TPPP2: variants seen among roughly 807,000 people sequenced by gnomAD.
TPPP2 encodes the protein tubulin polymerization-promoting protein family member 2.
A neutral mutation model predicts 13.0 loss-of-function variants in TPPP2; 8 were observed. The observed-to-expected ratio is 0.62, with a 90% confidence interval of 0.36 to 1.11. The LOEUF (loss-of-function observed/expected upper bound fraction) is 1.11. TPPP2 is among the 50% of genes most tolerant of loss of function. The pLI is 0.02. For synonymous variants in TPPP2, 81 were observed against 81.8 expected, an observed-to-expected ratio of 0.99 and a Z score of 0.05; for missense variants, 213 against 216.9, an observed-to-expected ratio of 0.98 and a Z score of 0.11.
upstream of TPPP2, among the ~76,000 whole-genome samples, chr14:21,029,572 G>A (rs1359961576): frequency 6.6e-6 from 1 of 152,142 alleles, no homozygotes; most frequent in Non-Finnish European, 1.5e-5. Flanking sequence ...ATTTCAGCCT[G>A]GGCAACAGAC....
intron 3 of TPPP2, 90 bp downstream of exon 3, chr14:21,031,255 G>A: frequency 6.7e-7 from 1 of 1,497,146 alleles, no homozygotes; most frequent in Non-Finnish European, 9.0e-7. Context: ...CTGTGTGACT[G>A]TAGAGACAGG....
chr14:21,035,711 C>A (rs998716598), downstream of TPPP2: 1 of 452,456 alleles, frequency 2.2e-6, no homozygotes, highest in East Asian at 7.0e-5. Flanking sequence ...CCTAAACTGG[C>A]ACTTTCTGAC....
rs1406251708 is a variant in TPPP2 at position 21,032,792 on chromosome 14, A to T, written c.*715A>T. On this transcript the variant is annotated 3_prime_UTR_variant, in exon 4 of 4. Coordinates refer to ENST00000321760, the MANE Select transcript of TPPP2 (RefSeq NM_173846.5). ...AGGAGTTCTGGTGCACTGAAGAAAA[A>T]GCAATTAAATCACAACAGAGTCAGA... 2 of 372,272 alleles carry T rather than the reference A, an allele frequency of 5.4e-6. No homozygotes were observed. Among genetic ancestry groups the T allele is most frequent in the Non-Finnish European group, 1.0e-5 (2 of 191,124 alleles). 23.1% of individuals were successfully genotyped at this position (372,272 alleles called of 1,614,324 possible). A position where few individuals can be genotyped will look rare whatever the true frequency, so the allele number is the denominator to read the frequency against.
At chr14:21,033,930 G>A (rs754878730), downstream of TPPP2, 8 of 1,613,924 alleles carry the variant, frequency 5.0e-6, no homozygotes, top group South Asian at 8.8e-5. Context: ...GCAGCTAGTG[G>A]GTGGCTGTTG....
rs760528187 is a variant in TPPP2, at chr14:21,030,651, G to C, written c.70G>C (p.Glu24Gln). The C allele has an allele frequency of 6.2e-7, 1 of 1,614,078 alleles. No homozygotes were observed. The highest frequency in any genetic ancestry group is 2.2e-5 in the East Asian group (1 of 44,880). Residue 24 changes from glutamate to glutamine, a missense_variant, in exon 2 of 4, where the codon GAA becomes CAA. By Grantham distance (29) the Glu-to-Gln change is conservative. Transcript: ENST00000321760. ...AFGESSSSGT[E>Q]MNNKNFSKLC... Reference sequence around the variant, plus strand: ...TGGAGAATCATCAAGCAGTGGCACTGAAATGAACAACAAGAACTTCTCCAA... The same window carrying C: ...TGGAGAATCATCAAGCAGTGGCACTCAAATGAACAACAAGAACTTCTCCAA...
At chr14:21,036,084 C>T (rs559032126), downstream of TPPP2, 17 of 409,924 alleles carry the variant, frequency 4.1e-5, no homozygotes, top group South Asian at 1.1e-4. Flanking sequence ...GACCAGTGCC[C>T]GGCACATGGT....
chr14:21,031,850 G>A (rs373591996), intron 3 of TPPP2, 42 bp from the exon 4 acceptor site: 36 of 1,594,042 alleles, frequency 2.3e-5, no homozygotes, highest in Middle Eastern at 3.3e-4. Context: ...ATATGACAGC[G>A]TAAGGAAAGG....
At chr14:21,036,348 T>G (rs1410959361), downstream of TPPP2, 1 of 434,438 alleles carries the variant, frequency 2.3e-6, no homozygotes, top group Non-Finnish European at 4.6e-6. Flanking sequence ...GGGTGCCCAG[T>G]CTTTTGGCTT....
upstream of TPPP2, chr14:21,029,096 G>T (rs985329019): frequency 4.6e-5 from 7 of 152,168 alleles, no homozygotes; most frequent in South Asian, 6.2e-4. Context: ...ATCCTGACCT[G>T]TCCACATCTG....
At chr14:21,025,753 G>T, upstream of TPPP2, 2 of 980,794 alleles carry the variant, frequency 2.0e-6, no homozygotes, top group Non-Finnish European at 2.4e-6. The surrounding 1 kb of genome is among the most constrained non-coding windows in gnomAD (Gnocchi z 5.1). Flanking sequence ...GCGGGGAGGT[G>T]GGGGCGGGGA....
In TPPP2 at chr14:21,030,599, A is replaced by T; in HGVS notation, c.18A>T (p.Glu6Asp). 1 of 1,613,876 alleles carries T rather than the reference A, an allele frequency of 6.2e-7. No individual in the cohort carries two copies. Among genetic ancestry groups the T allele is most frequent in the Non-Finnish European group, 8.5e-7 (1 of 1,179,946 alleles). Residue 6 changes from glutamate (E) to aspartate (D), a missense_variant, in exon 2 of 4, where the codon GAA becomes GAT. By Grantham distance (45) the Glu-to-Asp change is conservative. Transcript: ENST00000321760. MASEA[E>D]KTFHRFAAFG... ...AGCTGACCATGGCATCAGAGGCAGA[A>T]AAAACATTCCATCGGTTTGCTGCGT...
At chr14:21,028,390 T>G (rs531620733), upstream of TPPP2, 178 of 152,262 alleles carry the variant, frequency 1.2e-3, no homozygotes, top group African/African-American at 3.8e-3. Context: ...TAGCTGGGAC[T>G]ACAGGTGCAT....
chr14:21,026,686 C>T (rs911949631), upstream of TPPP2, among the ~76,000 whole-genome samples: 2 of 152,082 alleles, frequency 1.3e-5, no homozygotes, highest in African/African-American at 2.4e-5. Flanking sequence ...ATCTAAGGAG[C>T]TCCCCCTACA....
chr14:21,031,235 A>C, intron 3 of TPPP2, 70 bp downstream of exon 3: 1 of 1,552,906 alleles, frequency 6.4e-7, no homozygotes, highest in Non-Finnish European at 8.7e-7. Context: ...ACCCTCCCTA[A>C]CCCTGCCAAC....
At chr14:21,030,190 T>A (rs933146845), upstream of TPPP2, 1 of 186,362 alleles carries the variant, frequency 5.4e-6, no homozygotes, top group African/African-American at 2.3e-5. Context: ...GGTCATAGAA[T>A]CTTCCCTCTC....
At chr14:21,025,409 C>T, upstream of TPPP2, 3 of 985,690 alleles carry the variant, frequency 3.0e-6, no homozygotes, top group Non-Finnish European at 3.6e-6. This position sits in a 1 kb window ranked among gnomAD's most constrained non-coding sequence, Gnocchi z 5.1. Flanking sequence ...TCTGCAATTG[C>T]ACTCTGGCTC....
chr14:21,030,872 GCGCTGTGC>G, intron 2 of TPPP2, 118 bp downstream of exon 2: 3 of 1,504,586 alleles, frequency 2.0e-6, no homozygotes, highest in Non-Finnish European at 2.7e-6. Flanking sequence ...AGGGTACCTG[GCGCTGTGC>G]TATCCTTTGT....
At chr14:21,036,300 G>A (rs188079243), downstream of TPPP2, 185 of 455,716 alleles carry the variant, frequency 4.1e-4, 1 homozygote, top group Admixed American at 3.2e-3. Context: ...CCCTTCTTTC[G>A]TCTAAAAGTC....
chr14:21,034,269 C>A (rs372779444), downstream of TPPP2: 4 of 1,611,950 alleles, frequency 2.5e-6, no homozygotes, highest in Admixed American at 6.7e-5. Context: ...GAAAAGGAGC[C>A]GGGTCACAGC....
Sources: allele counts gnomAD v4.1 joint callset (sites outside exome capture counted in the v4.1 genomes callset), GRCh38; gene constraint gnomAD v4.1.1; non-coding constraint Gnocchi (gnomAD v3.1); transcripts MANE v1.5; gene names NCBI Gene and HGNC (gene_info 2026-07-23, HGNC 2026-07-21).